ASTN2: variants seen among roughly 807,000 people sequenced by gnomAD.
ASTN2 encodes astrotactin 2.
ASTN2 carries 54 observed loss-of-function variants against 139.8 expected under a neutral mutation model. That is an observed-to-expected ratio of 0.39 (90% CI 0.31 to 0.48). ASTN2 has a LOEUF of 0.48. Among genes scored for constraint, ASTN2 ranks in the 20% least tolerant of loss-of-function variants. ASTN2 has a pLI of 0.95. For synonymous variants in ASTN2, 756 were observed against 719.5 expected (o/e 1.05, Z -0.81); for missense variants, 1,565 against 1,725.1 (o/e 0.91, Z 1.64).
intron 17 of ASTN2, among the ~76,000 whole-genome samples, chr9:116,632,914 T>C (rs1856878418): frequency 6.6e-6 from 1 of 152,236 alleles, no homozygotes; most frequent in Non-Finnish European, 1.5e-5. Context: ...CAGAAATTCC[T>C]TGCACAAGGC....
At chr9:116,706,552 G>A (rs567196426) in intron 16 of ASTN2, among the ~76,000 whole-genome samples, 8 of 151,962 alleles carry the variant, frequency 5.3e-5, no homozygotes, top group Non-Finnish European at 1.2e-4. Flanking sequence ...TAAAAGCCTC[G>A]TGTGAGTGAT....
intron 1 of ASTN2, among the ~76,000 whole-genome samples, chr9:117,313,918 T>C (rs1828054567): frequency 6.6e-6 from 1 of 152,206 alleles, no homozygotes; most frequent in South Asian, 2.1e-4. Context: ...TATCCCTTTG[T>C]ACTTTGACAC....
At chr9:116,621,041 C>A (rs12340737) in intron 17 of ASTN2, among the ~76,000 whole-genome samples, 42,469 of 152,096 alleles carry the variant, frequency 0.28, 6,885 homozygotes, top group Admixed American at 0.42. Context: ...ACTCTCCTGA[C>A]CTTCTTTGCA....
At chr9:117,148,471 T>C (rs1461101562) in intron 3 of ASTN2, among the ~76,000 whole-genome samples, 3 of 152,226 alleles carry the variant, frequency 2.0e-5, no homozygotes, top group Non-Finnish European at 4.4e-5. Context: ...ATAGCCACTT[T>C]GCAAACTTTC....
At chr9:117,096,175 G>A (rs1461912995) in intron 4 of ASTN2, 24 bp from the exon 5 acceptor site, 3 of 1,593,408 alleles carry the variant, frequency 1.9e-6, no homozygotes, top group South Asian at 2.2e-5. Context: ...CAGTCTATCA[G>A]TTAGTCTCCC....
In ASTN2 at chr9:117,199,824, C is replaced by T. The variant is rs150871359; in HGVS notation, c.1015+14534G>A. On this transcript the variant is annotated intron_variant, in intron 3 of 22. Transcript: ENST00000313400. Reference sequence around the variant, plus strand: ...TTTCCTTGAGCAGTGGTTTGTAGTTCTCCTTAAAGAGGTCCTTCACATCCC... The same window carrying T: ...TTTCCTTGAGCAGTGGTTTGTAGTTTTCCTTAAAGAGGTCCTTCACATCCC... Among the ~76,000 whole-genome samples, 323 of 152,028 alleles carry T rather than the reference C, an allele frequency of 2.1e-3. 2 individuals are homozygous for T. Among genetic ancestry groups the T allele is most frequent in the African/African-American group, 7.6e-3 (314 of 41,494 alleles).
Position 116,620,222 on chromosome 9 carries a change from A to T in ASTN2, c.3206+88T>A, listed in dbSNP as rs1287913315. On this transcript the variant is annotated intron_variant, in intron 18 of 22. Transcript: ENST00000313400. ...GGATCTTGTTAGGCACCTTGGGAGC[A>T]GAAGCAAGTCATGGCATGGGCTGGC... The T allele has an allele frequency of 5.0e-6, 8 of 1,589,158 alleles. No individual in the cohort carries two copies. In the African/African-American group the frequency reaches 6.7e-5, roughly 13 times the overall value.
rs1847283207 is a variant in ASTN2, at chr9:116,425,691, T to C, written c.*160A>G. ...ATTGGTTACAAAGGTCTCTGTCCAC[T>C]ATCCACAGGAGAAACCGTTTGCTTT... On this transcript the variant is annotated 3_prime_UTR_variant, in exon 23 of 23. Coordinates refer to ENST00000313400, the MANE Select transcript of ASTN2 (RefSeq NM_001365068.1). 4 of 1,608,176 alleles carry C rather than the reference T, an allele frequency of 2.5e-6. No homozygotes were observed. Among genetic ancestry groups the C allele is most frequent in the Non-Finnish European group, 3.4e-6 (4 of 1,178,088 alleles).
At position 117,365,029 on chromosome 9, in the gene ASTN2, G is replaced by A. The variant is rs570320459; in HGVS notation, c.442+49468C>T. 6.7e-4 allele frequency among the ~76,000 whole-genome samples: 100 copies of A among 148,450 alleles called. 1 individual carries two copies. The highest frequency in any genetic ancestry group is 9.8e-4 in the Non-Finnish European group (66 of 67,488). On this transcript the variant is annotated intron_variant, in intron 1 of 22. Transcript: ENST00000313400. ...CAGCCATGCATTATGGCATGCACCC[G>A]TAGTTCCAGCTACTCAGGAGGCTGG...
intron 10 of ASTN2, among the ~76,000 whole-genome samples, chr9:116,948,020 T>C (rs949956902): frequency 6.6e-6 from 1 of 152,228 alleles, no homozygotes; most frequent in Admixed American, 6.5e-5. Flanking sequence ...TCAATTTGGG[T>C]TTATCTGATG....
At chr9:116,882,686 C>A (rs1469932175) in intron 10 of ASTN2, among the ~76,000 whole-genome samples, 1 of 152,104 alleles carries the variant, frequency 6.6e-6, no homozygotes, top group African/African-American at 2.4e-5. Context: ...TATTGGCAGA[C>A]CATAGTGGCT....
intron 2 of ASTN2, among the ~76,000 whole-genome samples, chr9:117,223,551 T>C (rs762240668): frequency 6.6e-6 from 1 of 152,170 alleles, no homozygotes; most frequent in Non-Finnish European, 1.5e-5. Flanking sequence ...CTCGATTCTG[T>C]CACTGGATTA....
intron 10 of ASTN2, among the ~76,000 whole-genome samples, chr9:116,864,907 G>C (rs190626584): frequency 3.3e-5 from 5 of 152,162 alleles, no homozygotes; most frequent in African/African-American, 1.2e-4. Context: ...AGTGAACTTG[G>C]TAAATCCCAG....
At chr9:116,959,522 A>T (rs1051531184) in intron 10 of ASTN2, among the ~76,000 whole-genome samples, 2 of 152,088 alleles carry the variant, frequency 1.3e-5, no homozygotes, top group African/African-American at 4.8e-5. Context: ...GTGGAGGATG[A>T]CCTGAAAGGC....
intron 2 of ASTN2, among the ~76,000 whole-genome samples, chr9:117,253,172 C>T (rs1488054646): frequency 4.6e-5 from 7 of 152,296 alleles, no homozygotes; most frequent in African/African-American, 1.7e-4. Context: ...TCTCTGGAGG[C>T]CTGGTCCCAG....
At chr9:116,720,144 T>C (rs568854311) in intron 16 of ASTN2, among the ~76,000 whole-genome samples, 8 of 152,264 alleles carry the variant, frequency 5.3e-5, no homozygotes, top group African/African-American at 1.9e-4. Context: ...CCACAACCCC[T>C]GAGATGCCTT....
At chr9:117,313,380 GC>G (rs1234744431) in intron 1 of ASTN2, among the ~76,000 whole-genome samples, 1 of 152,148 alleles carries the variant, frequency 6.6e-6, no homozygotes, top group Non-Finnish European at 1.5e-5. Context: ...GCTCAATGGG[GC>G]CTCAGGGTGG....
At position 117,151,962 on chromosome 9, in the gene ASTN2, G is replaced by A. The variant is rs556906468; in HGVS notation, c.1016-10484C>T. ...CCCAGATACCCTGGGTGCAGCGAGAGCAGAGTGTAGGGATCTGGACAGACT... is the reference window on the plus strand; with the variant it reads ...CCCAGATACCCTGGGTGCAGCGAGAACAGAGTGTAGGGATCTGGACAGACT... On this transcript the variant is annotated intron_variant, in intron 3 of 22. Coordinates refer to ENST00000313400, the MANE Select transcript of ASTN2 (RefSeq NM_001365068.1). Among the ~76,000 whole-genome samples, 4 of 152,270 alleles carry A rather than the reference G, an allele frequency of 2.6e-5. No individual in the cohort carries two copies. In the South Asian group the frequency reaches 8.3e-4, roughly 32 times the overall value.
chr9:116,612,512 C>A (rs932278356), intron 19 of ASTN2: 2 of 152,126 alleles, frequency 1.3e-5, no homozygotes, highest in Admixed American at 6.5e-5. Context: ...GAAATTATAA[C>A]AAACTGTCTC....
Sources: gnomAD v4.1 joint callset for allele counts (sites outside exome capture counted in the v4.1 genomes callset) on GRCh38, gnomAD v4.1.1 for gene constraint, MANE v1.5 for transcripts, NCBI Gene and HGNC (gene_info 2026-07-23, HGNC 2026-07-21) for gene names.